The following MACO1 variants were observed in gnomAD, a reference collection of about 807,000 sequenced individuals.
MACO1 encodes the protein macoilin.
MACO1 carries 14 observed loss-of-function variants against 78.7 expected under a neutral mutation model. The ratio of observed to expected loss-of-function variants is 0.18; its 90% CI spans 0.12 to 0.28. MACO1 has a LOEUF of 0.28. Ranked by LOEUF, MACO1 falls within the 10% of genes least tolerant of loss-of-function variation. MACO1 has a pLI of 1.00. For missense variants in MACO1, 501 were observed against 799.0 expected (o/e 0.63, Z 4.50); for synonymous variants, 288 against 291.6 (o/e 0.99, Z 0.12).
Position 25,454,438 on chromosome 1 carries a change from ATGTGTGTG to A in MACO1, c.473+82_473+89del, listed in dbSNP as rs71589767. 680 of 258,812 alleles carry A rather than the reference ATGTGTGTG, an allele frequency of 2.6e-3. 16 individuals carry two copies. The highest frequency in any genetic ancestry group is 0.023 in the African/African-American group (600 of 26,002). The allele number at this position is 258,812 out of a possible 1,614,324, so 16.0% of individuals were successfully genotyped here. On this transcript the variant is annotated intron_variant, in intron 4 of 10. Coordinates refer to ENST00000374343, the MANE Select transcript of MACO1 (RefSeq NM_018202.6). ...TGTGTATATGTGTGTATGTATATAT[ATGTGTGTG>A]TGTGTGTGTGTGTGTGTGTGTGTGT...
intron 3 of MACO1, among the ~76,000 whole-genome samples, chr1:25,453,004 A>AT (rs1246920699): frequency 0.08 from 9,479 of 118,194 alleles, 787 homozygotes; most frequent in African/African-American, 0.21. Context: ...CCTACAGTGA[A>AT]TTTTTTTTTT....
At chr1:25,449,698 T>C (rs2043047624) in intron 3 of MACO1, among the ~76,000 whole-genome samples, 1 of 152,140 alleles carries the variant, frequency 6.6e-6, no homozygotes, top group Non-Finnish European at 1.5e-5. Flanking sequence ...CAGAAAAATA[T>C]AAGGGAATGT....
At chr1:25,432,225 A>G (rs113629298) in intron 1 of MACO1, among the ~76,000 whole-genome samples, 292 of 152,342 alleles carry the variant, frequency 1.9e-3, no homozygotes, top group Non-Finnish European at 3.0e-3. Context: ...ATTTCAAGAA[A>G]TATGTGAGGT....
chr1:25,498,139 CTCTT>C, intron 10 of MACO1, 121 bp from the exon 11 acceptor site: 1 of 899,506 alleles, frequency 1.1e-6, no homozygotes, highest in Non-Finnish European at 1.7e-6. Flanking sequence ...AGTTTGCCTG[CTCTT>C]ATAAATCACT....
intron 9 of MACO1, among the ~76,000 whole-genome samples, chr1:25,489,729 T>C (rs1397543437): frequency 6.6e-6 from 1 of 152,216 alleles, no homozygotes; most frequent in East Asian, 1.9e-4. Context: ...GCTAGTGCTA[T>C]GGACGTAGCC....
rs766707174 is a variant in MACO1 at position 25,489,281 on chromosome 1, A to C, written c.1605A>C (p.Glu535Asp). The C allele has an allele frequency of 5.0e-5, 81 of 1,613,776 alleles. No homozygotes were observed. Among genetic ancestry groups the C allele is most frequent in the Non-Finnish European group, 6.6e-5 (78 of 1,179,912 alleles). The part of the protein sequence containing the change: ...KVKEDQIREL[E>D]LKVQELRKYK... The stretch of plus-strand genomic sequence containing the variant: ...AAGAAGACCAAATCAGAGAACTAGA[A>C]CTAAAAGTCCAGGTAAGGGGGGAAC... The change falls in exon 9 of 11, where the codon GAA (glutamate) becomes GAC (aspartate). Residue 535 changes from glutamate (E) to aspartate (D), a missense_variant. Glu to Asp is a conservative substitution (Grantham distance 45, BLOSUM62 2). Around this residue, in one of 5 missense-constraint regions of MACO1, gnomAD observed 163 missense variants for 271.9 expected, o/e 0.60. Transcript: ENST00000374343.
Position 25,453,558 on chromosome 1 carries a change from G to C in MACO1, c.350-701G>C, listed in dbSNP as rs149540009. ...GGCGCCTATAGTCCCAGCTATTTGA[G>C]AGGTTGAGGCAGGAGAATTGCTTGA... On this transcript the variant is annotated intron_variant, in intron 3 of 10. Transcript: ENST00000374343. 4.4e-3 allele frequency among the ~76,000 whole-genome samples: 666 copies of C among 150,456 alleles called. 7 individuals are homozygous for C. Among genetic ancestry groups the C allele is most frequent in the African/African-American group, 0.015 (603 of 41,036 alleles).
At chr1:25,496,766 G>A (rs537838398) in intron 10 of MACO1, among the ~76,000 whole-genome samples, 11 of 152,096 alleles carry the variant, frequency 7.2e-5, no homozygotes, top group African/African-American at 2.7e-4. Context: ...GAGAGACGAT[G>A]GACACAGATC....
At position 25,491,471 on chromosome 1, in the gene MACO1, C is replaced by A. The variant is rs2043485405; in HGVS notation, c.1679C>A (p.Ala560Asp). Residue 560 changes from alanine (A) to aspartate (D), a missense_variant, in exon 10 of 11, where the codon GCC becomes GAC. Ala to Asp is a moderately radical substitution (Grantham distance 126). Transcript: ENST00000374343. ...DTEVLMSALSAMQDKTQHLEN... is the reference protein window; with the variant it reads ...DTEVLMSALSDMQDKTQHLEN... ...GAGGTGTTAATGTCAGCCCTCTCAGCCATGCAAGACAAAACACAGCACCTG... is the reference window on the plus strand; with the variant it reads ...GAGGTGTTAATGTCAGCCCTCTCAGACATGCAAGACAAAACACAGCACCTG... The A allele has an allele frequency of 6.2e-7, 1 of 1,614,112 alleles. No individual in the cohort carries two copies. The highest frequency in any genetic ancestry group is 1.7e-5 in the Admixed American group (1 of 60,014).
rs2043167251 is a variant in MACO1 at position 25,461,128 on chromosome 1, A to G, written c.1154+2236A>G. 2.7e-5 allele frequency among the ~76,000 whole-genome samples: 4 copies of G among 147,182 alleles called. No homozygotes were observed. In the South Asian group the frequency reaches 8.7e-4, roughly 32 times the overall value. ...TCGCAAGGACAAAAAACCAAACACC[A>G]CATGTTTTCACTCATAGGTGGGAAT... On this transcript the variant is annotated intron_variant, in intron 6 of 10. Coordinates refer to ENST00000374343, the MANE Select transcript of MACO1 (RefSeq NM_018202.6).
At chr1:25,452,949 C>T (rs1390703712) in intron 3 of MACO1, among the ~76,000 whole-genome samples, 4 of 151,580 alleles carry the variant, frequency 2.6e-5, no homozygotes, top group Admixed American at 6.6e-5. Context: ...CCCACCTTGG[C>T]CTCCCAAAGT....
intron 6 of MACO1, among the ~76,000 whole-genome samples, chr1:25,474,318 T>C (rs1037212324): frequency 2.0e-5 from 3 of 152,238 alleles, no homozygotes; most frequent in Admixed American, 6.5e-5. Flanking sequence ...CTCACCAGTT[T>C]GCAACCTCTG....
chr1:25,464,603 C>G (rs1303891969), intron 6 of MACO1, among the ~76,000 whole-genome samples: 1 of 151,304 alleles, frequency 6.6e-6, no homozygotes, highest in Non-Finnish European at 1.5e-5. Context: ...CCTGGGCCTC[C>G]CAAAGTTCTG....
Position 25,451,787 on chromosome 1 carries a change from T to A in MACO1, c.350-2472T>A, listed in dbSNP as rs552522902. 1.0e-3 allele frequency among the ~76,000 whole-genome samples: 152 copies of A among 152,040 alleles called. 2 individuals are homozygous for A. The highest frequency in any genetic ancestry group is 2.9e-3 in the African/African-American group (122 of 41,474). ...CAGGCATGGTGGTGTGTGCCTGTAATCCCAGCTGCTCAGGAGGCTGAGGCA... is the reference window on the plus strand; with the variant it reads ...CAGGCATGGTGGTGTGTGCCTGTAAACCCAGCTGCTCAGGAGGCTGAGGCA... On this transcript the variant is annotated intron_variant, in intron 3 of 10. Transcript: ENST00000374343.
chr1:25,476,558 C>T (rs1197474482), intron 6 of MACO1, among the ~76,000 whole-genome samples: 1 of 152,160 alleles, frequency 6.6e-6, no homozygotes, highest in Non-Finnish European at 1.5e-5. Context: ...CCTGTCCTGT[C>T]AGTGTGAGTG....
chr1:25,478,960 T>A (rs35109971), intron 6 of MACO1, among the ~76,000 whole-genome samples: 76,520 of 151,860 alleles, frequency 0.5, 19,654 homozygotes, highest in East Asian at 0.73. Flanking sequence ...ATTTTTTTTT[T>A]AAATGAGATT....
intron 1 of MACO1, among the ~76,000 whole-genome samples, chr1:25,446,299 A>C (rs2043015016): frequency 6.6e-6 from 1 of 152,226 alleles, no homozygotes; most frequent in Non-Finnish European, 1.5e-5. Flanking sequence ...AAAAGACAGA[A>C]TTCTTTAAGC....
At chr1:25,495,759 C>T (rs576083449) in intron 10 of MACO1, among the ~76,000 whole-genome samples, 5 of 152,110 alleles carry the variant, frequency 3.3e-5, no homozygotes, top group African/African-American at 9.7e-5. Flanking sequence ...GTCAAGAGAT[C>T]GAGACCATCC....
intron 4 of MACO1, among the ~76,000 whole-genome samples, chr1:25,454,907 GC>G (rs916874852): frequency 2.0e-5 from 3 of 152,030 alleles, no homozygotes; most frequent in Non-Finnish European, 4.4e-5. Flanking sequence ...AAGACCATGA[GC>G]CCCCCCTTTT....
Sources: gnomAD v4.1 joint callset for allele counts (sites outside exome capture counted in the v4.1 genomes callset) on GRCh38, gnomAD v4.1.1 for gene constraint, gnomAD v4.1.1 regional missense constraint, MANE v1.5 for transcripts, NCBI Gene and HGNC (gene_info 2026-07-23, HGNC 2026-07-21) for gene names.